ZCCHC24: variants seen among roughly 807,000 people sequenced by gnomAD.
ZCCHC24 encodes the protein zinc finger CCHC domain-containing protein 24.
In ZCCHC24, 10 loss-of-function variants were observed where a neutral mutation model predicts 26.2. The ratio of observed to expected loss-of-function variants is 0.38; its 90% CI spans 0.24 to 0.65. The LOEUF (loss-of-function observed/expected upper bound fraction) is 0.65, where lower values mean the gene tolerates loss of function less well. ZCCHC24 is among the 30% of genes least tolerant of loss of function. ZCCHC24 has a pLI of 0.54. For synonymous variants in ZCCHC24, 144 were observed against 147.1 expected (o/e 0.98, Z 0.15); for missense variants, 243 against 329.1 (o/e 0.74, Z 2.03).
At chr10:79,411,054 C>A (rs954661722) in intron 2 of ZCCHC24, among the ~76,000 whole-genome samples, 1 of 152,078 alleles carries the variant, frequency 6.6e-6, no homozygotes. Flanking sequence ...TGTCTTGTGC[C>A]GGCAGTGATG....
At chr10:79,417,636 C>A (rs573730959) in intron 2 of ZCCHC24, among the ~76,000 whole-genome samples, 1 of 152,218 alleles carries the variant, frequency 6.6e-6, no homozygotes, top group African/African-American at 2.4e-5. Flanking sequence ...GGATGAGAGA[C>A]AGAGATGAAG....
chr10:79,400,494 G>T (rs1194823957), intron 2 of ZCCHC24, among the ~76,000 whole-genome samples: 2 of 152,232 alleles, frequency 1.3e-5, no homozygotes, highest in East Asian at 3.8e-4. Flanking sequence ...AACAGGACTG[G>T]CAGGAAAGCA....
At chr10:79,421,357 C>T (rs897131297) in intron 2 of ZCCHC24, among the ~76,000 whole-genome samples, 1 of 152,154 alleles carries the variant, frequency 6.6e-6, no homozygotes, top group Admixed American at 6.5e-5. Flanking sequence ...CCCTGCTATG[C>T]CATCTGCCCT....
At chr10:79,445,111 A>T (rs1857345422) in intron 1 of ZCCHC24, 84 bp downstream of exon 1, 2 of 1,166,758 alleles carry the variant, frequency 1.7e-6, no homozygotes, top group South Asian at 6.5e-5. Context: ...CAGGCCAGGA[A>T]GAGCGGGTCA....
rs547035300 is a variant in ZCCHC24 at position 79,392,248 on chromosome 10, G to A, written c.612+2028C>T. 4.6e-5 allele frequency among the ~76,000 whole-genome samples: 7 copies of A among 152,256 alleles called. No homozygotes were observed. The South Asian group carries it at 1.0e-3, about 23-fold the overall frequency. On this transcript the variant is annotated intron_variant, in intron 3 of 3. Transcript: ENST00000372336. ...GGCGAGCTGTGCTGGAGCAAGTCAC[G>A]GAACTAGGCTGATGCCTGCCACTGC...
In ZCCHC24 at chr10:79,432,575, T is replaced by C; in HGVS notation, c.430A>G (p.Ile144Val). 1 of 1,600,308 alleles carries C rather than the reference T, an allele frequency of 6.2e-7. No homozygotes were observed. The highest frequency in any genetic ancestry group is 1.3e-5 in the African/African-American group (1 of 74,210). ...CHLCFNKGHYIKDCPQARPKG... is the reference protein window; with the variant it reads ...CHLCFNKGHYVKDCPQARPKG... ...TGCCTTACCTGGGGGCAGTCCTTGA[T>C]GTAGTGTCCTTTGTTGAAGCACAGG... The change falls in exon 2 of 4, where the codon ATC becomes GTC. Residue 144 changes from isoleucine (I) to valine (V), a missense_variant. Coordinates refer to ENST00000372336, the MANE Select transcript of ZCCHC24 (RefSeq NM_153367.4).
chr10:79,393,024 A>G (rs927239591), intron 3 of ZCCHC24, among the ~76,000 whole-genome samples: 4 of 151,476 alleles, frequency 2.6e-5, no homozygotes, highest in Non-Finnish European at 5.9e-5. Flanking sequence ...AGGACTCCAC[A>G]CCCCCTGGTT....
intron 2 of ZCCHC24, among the ~76,000 whole-genome samples, chr10:79,424,083 TG>T (rs1856994823): frequency 6.6e-6 from 1 of 151,412 alleles, no homozygotes; most frequent in South Asian, 2.1e-4. Context: ...GGCCTAAGCA[TG>T]CATGCTACTA....
chr10:79,386,226 C>A lies in ZCCHC24; in HGVS notation c.*119G>T, dbSNP rs780607499. ...GACGCTAAGAGCCCCCGGCCCAGCC[C>A]CGCAGGCCTGCGAGGGCACCCCATG... On this transcript the variant is annotated 3_prime_UTR_variant, in exon 4 of 4. Coordinates refer to ENST00000372336, the MANE Select transcript of ZCCHC24 (RefSeq NM_153367.4). 1 of 894,604 alleles carries A rather than the reference C, an allele frequency of 1.1e-6. No homozygotes were observed. The highest frequency in any genetic ancestry group is 1.8e-6 in the Non-Finnish European group (1 of 558,626). 55.4% of individuals were successfully genotyped at this position (894,604 alleles called of 1,614,324 possible).
At chr10:79,428,909 A>G (rs548232703) in intron 2 of ZCCHC24, among the ~76,000 whole-genome samples, 2 of 151,986 alleles carry the variant, frequency 1.3e-5, no homozygotes, top group East Asian at 3.9e-4. Flanking sequence ...GAAGATGCAA[A>G]CTGTAGTAAC....
chr10:79,425,426 T>C (rs1589673982), intron 2 of ZCCHC24, among the ~76,000 whole-genome samples: 1 of 152,340 alleles, frequency 6.6e-6, no homozygotes, highest in Admixed American at 6.5e-5. Context: ...TGGGATGGCC[T>C]CTGCCCACAT....
chr10:79,436,139 G>A (rs759424865), intron 1 of ZCCHC24, among the ~76,000 whole-genome samples: 1 of 152,118 alleles, frequency 6.6e-6, no homozygotes, highest in South Asian at 2.1e-4. Context: ...TGTGGCTGGA[G>A]TGCAAGGTGG....
chr10:79,445,321 G>GCT lies in ZCCHC24; in HGVS notation c.119_120insAG (p.Phe40LeufsTer46). The stretch of plus-strand genomic sequence containing the variant: ...CGGCGCCGGCGGTCGGCTCGGGCCG[G>GCT]AAGGCATCGAAGGCGCTAGCCTGGT... On this transcript the variant is annotated frameshift_variant, in exon 1 of 4. Coordinates refer to ENST00000372336, the MANE Select transcript of ZCCHC24 (RefSeq NM_153367.4). LOFTEE classifies it high-confidence loss of function. 6.6e-7 allele frequency: 1 copy of GCT among 1,520,140 alleles called. No individual in the cohort carries two copies. The highest frequency in any genetic ancestry group is 8.8e-7 in the Non-Finnish European group (1 of 1,136,026). 94.2% of individuals were successfully genotyped at this position (1,520,140 alleles called of 1,614,324 possible). A position where few individuals can be genotyped will look rare whatever the true frequency, so the allele number is the denominator to read the frequency against.
chr10:79,387,472 TATGACG>T (rs1300780760), intron 3 of ZCCHC24, among the ~76,000 whole-genome samples: 1 of 152,210 alleles, frequency 6.6e-6, no homozygotes, highest in Non-Finnish European at 1.5e-5. Context: ...TTATGGAGGC[TATGACG>T]AAGAGCTCCT....
chr10:79,406,774 C>T (rs984701733), intron 2 of ZCCHC24, among the ~76,000 whole-genome samples: 7 of 152,214 alleles, frequency 4.6e-5, no homozygotes, highest in African/African-American at 1.7e-4. Flanking sequence ...GAACCCAGGC[C>T]TGACTGACTG....
chr10:79,395,106 G>A (rs938660719), intron 2 of ZCCHC24, among the ~76,000 whole-genome samples: 3 of 152,096 alleles, frequency 2.0e-5, no homozygotes, highest in East Asian at 1.9e-4. Flanking sequence ...ACAGGGTCTC[G>A]ATATATTGGC....
intron 2 of ZCCHC24, chr10:79,403,685 G>A (rs1012021184): frequency 1.2e-6 from 1 of 837,148 alleles, no homozygotes; most frequent in African/African-American, 1.8e-5. Flanking sequence ...CCCTCTTCTG[G>A]GTTCCTGCTG....
chr10:79,430,686 C>CACCACACA (rs370025190), intron 2 of ZCCHC24, among the ~76,000 whole-genome samples: 3 of 140,620 alleles, frequency 2.1e-5, no homozygotes, highest in Non-Finnish European at 3.1e-5. Context: ...CACACACACA[C>CACCACACA]CACACACACA....
intron 2 of ZCCHC24, among the ~76,000 whole-genome samples, chr10:79,419,300 G>A (rs183513844): frequency 3.9e-4 from 59 of 152,336 alleles, no homozygotes; most frequent in African/African-American, 1.3e-3. Context: ...GGGATGCCAA[G>A]CCCTGCATTA....
Sources: allele counts gnomAD v4.1 joint callset (sites outside exome capture counted in the v4.1 genomes callset), GRCh38; gene constraint gnomAD v4.1.1; transcripts MANE v1.5; gene names NCBI Gene and HGNC (gene_info 2026-07-23, HGNC 2026-07-21).